Variants in ATP6V1A observed in about 807,000 individuals in gnomAD.
ATP6V1A encodes V-type proton ATPase catalytic subunit A.
In ATP6V1A, 18 loss-of-function variants were observed where a neutral mutation model predicts 70.1. The ratio of observed to expected loss-of-function variants is 0.26; its 90% confidence interval spans 0.18 to 0.38. The LOEUF (loss-of-function observed/expected upper bound fraction) is 0.38. ATP6V1A is among the 10% of genes least tolerant of loss of function. ATP6V1A has a pLI of 1.00. For synonymous variants in ATP6V1A, 232 were observed against 253.8 expected (o/e 0.91, Z 0.82); for missense variants, 424 against 772.4 (o/e 0.55, Z 5.35).
At chr3:113,793,090 C>T (rs1311140913) in intron 8 of ATP6V1A, among the ~76,000 whole-genome samples, 12 of 151,846 alleles carry the variant, frequency 7.9e-5, no homozygotes, top group Non-Finnish European at 1.2e-4. Context: ...GACAAAGTCT[C>T]ACTCAGTCAC....
intron 1 of ATP6V1A, 136 bp from the exon 2 acceptor site, chr3:113,778,605 T>A (rs1258934584): frequency 2.2e-6 from 1 of 454,798 alleles, no homozygotes; most frequent in Non-Finnish European, 3.8e-6. Context: ...ATTTTTTTAT[T>A]CTACTTTGAA....
In ATP6V1A at chr3:113,765,403, A is replaced by C. The variant is rs1162784103; in HGVS notation, c.-13-13338A>C. ...GCAGTTCACCTGAGGTCAGGAGTTC[A>C]AGACCAGCCTGACCAATGTGGTGAA... On this transcript the variant is annotated intron_variant, in intron 1 of 14. Coordinates refer to ENST00000273398, the MANE Select transcript of ATP6V1A (RefSeq NM_001690.4). 2.0e-5 allele frequency among the ~76,000 whole-genome samples: 3 copies of C among 152,070 alleles called. No individual in the cohort carries two copies. In the East Asian group the frequency reaches 5.8e-4, roughly 29 times the overall value.
At position 113,763,533 on chromosome 3, in the gene ATP6V1A, A is replaced by G. The variant is rs543565606; in HGVS notation, c.-13-15208A>G. Among the ~76,000 whole-genome samples the G allele has an allele frequency of 9.5e-4, 144 of 152,334 alleles. 1 individual carries two copies. The highest frequency in any genetic ancestry group is 1.9e-3 in the Non-Finnish European group (127 of 68,028). On this transcript the variant is annotated intron_variant, in intron 1 of 14. Transcript: ENST00000273398. ...TCTTTTGCCATGTGCAGAAGCTTTA[A>G]GACTGTCATTCTACGAGTTCAGAGA...
chr3:113,805,530 A>T lies in ATP6V1A; in HGVS notation c.1761+5A>T, dbSNP rs748763174. On this transcript the variant is annotated splice_donor_5th_base_variant and intron_variant, in intron 14 of 14. Transcript: ENST00000273398. ...CTTTCCTCCATGAAATTCAAGGTAT[A>T]TTTTGTTTCTGCTGTAACTTTTTTT... 29 of 1,598,458 alleles carry T rather than the reference A, an allele frequency of 1.8e-5. No individual in the cohort carries two copies. The highest frequency in any genetic ancestry group is 2.5e-5 in the Non-Finnish European group (29 of 1,172,864).
intron 1 of ATP6V1A, among the ~76,000 whole-genome samples, chr3:113,767,673 T>C (rs529846609): frequency 3.3e-5 from 5 of 151,776 alleles, no homozygotes; most frequent in African/African-American, 1.2e-4. Context: ...TTTTTTTTAG[T>C]TGGAGTCTTG....
Position 113,784,817 on chromosome 3 carries a change from G to C in ATP6V1A, c.548G>C (p.Gly183Ala). Residue 183 changes from glycine (G) to alanine (A), a missense_variant, in exon 5 of 15, where the codon GGG (glycine) becomes GCG (alanine). By Grantham distance (60) the Gly-to-Ala change is moderately conservative. This residue lies in a region of ATP6V1A where 139 missense variants were observed against 163.5 expected (regional missense o/e 0.85). Coordinates refer to ENST00000273398, the MANE Select transcript of ATP6V1A (RefSeq NM_001690.4). ...RGTVTYIAPPGNYDTSDVVLE... is the reference protein window; with the variant it reads ...RGTVTYIAPPANYDTSDVVLE... Reference sequence around the variant, plus strand: ...ACTGTAACTTACATTGCTCCACCTGGGAATTATGATACCTCTGTAAGTATC... The same window carrying C: ...ACTGTAACTTACATTGCTCCACCTGCGAATTATGATACCTCTGTAAGTATC... The C allele has an allele frequency of 1.2e-6, 2 of 1,613,970 alleles. No homozygotes were observed. The highest frequency in any genetic ancestry group is 1.7e-6 in the Non-Finnish European group (2 of 1,179,942).
At chr3:113,758,508 G>A (rs189018222) in intron 1 of ATP6V1A, among the ~76,000 whole-genome samples, 12 of 152,118 alleles carry the variant, frequency 7.9e-5, no homozygotes, top group South Asian at 4.2e-4. Context: ...TACATGTATC[G>A]ATGATTCATA....
intron 5 of ATP6V1A, among the ~76,000 whole-genome samples, chr3:113,785,744 C>T (rs890886116): frequency 7.3e-5 from 11 of 151,204 alleles, no homozygotes; most frequent in Admixed American, 4.6e-4. Context: ...TCTCGGCTCA[C>T]TGCATCCTCT....
At position 113,795,146 on chromosome 3, in the gene ATP6V1A, G is replaced by A. The variant is rs1481070123; in HGVS notation, c.1168G>A (p.Gly390Ser). The A allele has an allele frequency of 6.2e-7, 1 of 1,614,030 alleles. No individual in the cohort carries two copies. Among genetic ancestry groups the A allele is most frequent in the Non-Finnish European group, 8.5e-7 (1 of 1,180,010 alleles). Residue 390 changes from glycine to serine, a missense_variant, in exon 10 of 15, where the codon GGC (glycine) becomes AGC (serine). By Grantham distance (56) the Gly-to-Ser change is moderately conservative. Coordinates refer to ENST00000273398, the MANE Select transcript of ATP6V1A (RefSeq NM_001690.4). ...TCTGGCCTCGTTTTATGAACGAGCA[G>A]GCAGGGTGAAATGTCTTGGAAATCC... ...ARLASFYERA[G>S]RVKCLGNPER...
chr3:113,793,310 A>T (rs190834672), intron 8 of ATP6V1A, among the ~76,000 whole-genome samples: 1 of 152,120 alleles, frequency 6.6e-6, no homozygotes, highest in East Asian at 1.9e-4. Context: ...GGATCTGCCC[A>T]CCTTGGCCTC....
chr3:113,770,836 T>C (rs545481209), intron 1 of ATP6V1A, among the ~76,000 whole-genome samples: 2 of 152,258 alleles, frequency 1.3e-5, no homozygotes, highest in Non-Finnish European at 2.9e-5. Flanking sequence ...AGCTCATGCC[T>C]GTTATCCCAG....
chr3:113,785,436 T>C (rs1369388930), intron 5 of ATP6V1A, among the ~76,000 whole-genome samples: 1 of 151,158 alleles, frequency 6.6e-6, no homozygotes, highest in African/African-American at 2.4e-5. Context: ...CGAGACTCCA[T>C]CTCAAAAAAA....
intron 1 of ATP6V1A, among the ~76,000 whole-genome samples, chr3:113,771,867 C>T (rs1482748280): frequency 6.6e-6 from 1 of 151,988 alleles, no homozygotes; most frequent in African/African-American, 2.4e-5. Flanking sequence ...GTTTGGATTT[C>T]AGAGAATATA....
intron 1 of ATP6V1A, among the ~76,000 whole-genome samples, chr3:113,755,176 T>C (rs1015530029): frequency 6.6e-6 from 1 of 152,182 alleles, no homozygotes; most frequent in Non-Finnish European, 1.5e-5. Flanking sequence ...GGTGTGACTT[T>C]GGAGGAGTTA....
chr3:113,784,750 C>T lies in ATP6V1A; in HGVS notation c.481C>T (p.Leu161Phe), dbSNP rs753640641. ...TTATGGAATTGTCAGTGAGAACTCG[C>T]TTATCAAACACAAAATCATGTTACC... ...DIYGIVSENS[L>F]IKHKIMLPPR... The change falls in exon 5 of 15, where the codon CTT (leucine) becomes TTT (phenylalanine). Residue 161 changes from leucine to phenylalanine, a missense_variant. This residue lies in a region of ATP6V1A where 139 missense variants were observed against 163.5 expected (regional missense o/e 0.85). Coordinates refer to ENST00000273398, the MANE Select transcript of ATP6V1A (RefSeq NM_001690.4). The T allele has an allele frequency of 6.2e-7, 1 of 1,614,040 alleles. No homozygotes were observed. The highest frequency in any genetic ancestry group is 8.5e-7 in the Non-Finnish European group (1 of 1,179,964).
At chr3:113,787,911 CTT>C in intron 6 of ATP6V1A, among the ~76,000 whole-genome samples, 1 of 152,132 alleles carries the variant, frequency 6.6e-6, no homozygotes, top group East Asian at 1.9e-4. Context: ...ATCTCTCTCT[CTT>C]TCTCTCTCTG....
At chr3:113,760,638 G>A (rs1180078010) in intron 1 of ATP6V1A, among the ~76,000 whole-genome samples, 1 of 151,860 alleles carries the variant, frequency 6.6e-6, no homozygotes, top group Non-Finnish European at 1.5e-5. Context: ...TGAGGCAGGA[G>A]AATGGCATAA....
chr3:113,796,514 A>G (rs901422133), intron 11 of ATP6V1A, among the ~76,000 whole-genome samples: 3 of 152,230 alleles, frequency 2.0e-5, no homozygotes, highest in South Asian at 2.1e-4. Flanking sequence ...AGGTGAAAGC[A>G]AGGCTGGAAA....
At chr3:113,785,942 ATCC>A (rs908531011) in intron 5 of ATP6V1A, among the ~76,000 whole-genome samples, 7 of 148,184 alleles carry the variant, frequency 4.7e-5, no homozygotes, top group African/African-American at 1.7e-4. Context: ...GGCTTAAGCA[ATCC>A]TCCTGCCTCA....
Sources: gnomAD v4.1 joint callset for allele counts (sites outside exome capture counted in the v4.1 genomes callset) on GRCh38, gnomAD v4.1.1 for gene constraint, gnomAD v4.1.1 regional missense constraint, MANE v1.5 for transcripts, NCBI Gene and HGNC (gene_info 2026-07-23, HGNC 2026-07-21) for gene names.